Variants in TTC13 observed in about 807,000 individuals in gnomAD.
TTC13 encodes tetratricopeptide repeat domain 13.
In TTC13, 62 loss-of-function variants were observed where a neutral mutation model predicts 120.0. That is an observed-to-expected ratio of 0.52 (90% CI 0.42 to 0.64). TTC13 has a LOEUF of 0.64. TTC13 is among the 30% of genes least tolerant of loss of function. TTC13 has a pLI of 0.00. For synonymous variants in TTC13, 384 were observed against 393.5 expected (o/e 0.98, Z 0.28); for missense variants, 824 against 1,050.2 (o/e 0.78, Z 2.98).
At position 230,912,608 on chromosome 1, in the gene TTC13, C is replaced by A. The variant is rs1671612733; in HGVS notation, c.2229+15G>T. 1.9e-6 allele frequency: 3 copies of A among 1,606,466 alleles called. No individual in the cohort carries two copies. In the Admixed American group the frequency reaches 5.1e-5, roughly 28 times the overall value. On this transcript the variant is annotated intron_variant, in intron 19 of 22. Coordinates refer to ENST00000366661, the MANE Select transcript of TTC13 (RefSeq NM_024525.5). ...CATAGGAAGAGCAGAAAAATGGAAA[C>A]AAAGAGAAACCTACCCCAAATTCTG...
At chr1:230,968,490 T>A (rs947073336) in intron 1 of TTC13, among the ~76,000 whole-genome samples, 1 of 152,154 alleles carries the variant, frequency 6.6e-6, no homozygotes, top group Non-Finnish European at 1.5e-5. Flanking sequence ...CTTCTTAGCA[T>A]TAAACTAAGA....
chr1:230,924,719 C>T, intron 14 of TTC13, 122 bp downstream of exon 14: 8 of 1,096,470 alleles, frequency 7.3e-6, no homozygotes, highest in South Asian at 7.3e-5. Context: ...GAGAGGAAAA[C>T]CTAACTTGGA....
chr1:230,934,510 G>A (rs1402147672), intron 8 of TTC13, among the ~76,000 whole-genome samples: 1 of 152,194 alleles, frequency 6.6e-6, no homozygotes, highest in Non-Finnish European at 1.5e-5. Flanking sequence ...ACTATCCTTT[G>A]GGAAGCTATC....
At chr1:230,965,489 T>C (rs1677041835) in intron 1 of TTC13, among the ~76,000 whole-genome samples, 1 of 152,120 alleles carries the variant, frequency 6.6e-6, no homozygotes, top group Admixed American at 6.5e-5. Flanking sequence ...GGTGAGGATA[T>C]GGAGAAAGGG....
intron 1 of TTC13, among the ~76,000 whole-genome samples, chr1:230,967,049 A>C (rs969942275): frequency 1.3e-5 from 2 of 152,216 alleles, no homozygotes; most frequent in African/African-American, 4.8e-5. Flanking sequence ...TGAATATTTT[A>C]TCTGCCCACA....
At chr1:230,958,335 C>G (rs1187414444) in intron 2 of TTC13, 36 bp from the exon 3 acceptor site, 1 of 1,561,000 alleles carries the variant, frequency 6.4e-7, no homozygotes. Flanking sequence ...TACATTTTAG[C>G]TATCACAAAT....
rs1355280897 is a variant in TTC13 at position 230,925,415 on chromosome 1, A to C, written c.1588+102T>G. On this transcript the variant is annotated intron_variant, in intron 13 of 22. Transcript: ENST00000366661. ...TATTCTGATCACATGGAGAATTTGA[A>C]TAAGCACAATAAATACTAATTTATT... is the stretch of plus-strand genomic sequence containing the variant. 5 of 1,302,992 alleles carry C rather than the reference A, an allele frequency of 3.8e-6. No individual in the cohort carries two copies. The African/African-American group carries it at 5.9e-5, about 15-fold the overall frequency. 80.7% of individuals were successfully genotyped at this position (1,302,992 alleles called of 1,614,324 possible).
intron 22 of TTC13, among the ~76,000 whole-genome samples, chr1:230,907,706 TTC>T (rs1671064715): frequency 1.3e-5 from 2 of 152,196 alleles, no homozygotes; most frequent in African/African-American, 2.4e-5. Context: ...GCACAAATAT[TTC>T]TGTTTTAAAC....
chr1:230,909,983 C>G (rs1326168296), intron 20 of TTC13, among the ~76,000 whole-genome samples: 1 of 152,140 alleles, frequency 6.6e-6, no homozygotes, highest in East Asian at 1.9e-4. Flanking sequence ...AAGGGGCTGG[C>G]AAAAGGCCAT....
At chr1:230,962,406 T>TCA (rs1676729130) in intron 1 of TTC13, among the ~76,000 whole-genome samples, 3 of 151,846 alleles carry the variant, frequency 2.0e-5, no homozygotes, top group South Asian at 2.1e-4. Flanking sequence ...AGGTACCTCT[T>TCA]CACACACACA....
chr1:230,968,775 G>A (rs1677419072), intron 1 of TTC13, among the ~76,000 whole-genome samples: 1 of 152,214 alleles, frequency 6.6e-6, no homozygotes, highest in South Asian at 2.1e-4. Flanking sequence ...GCCATCAACG[G>A]AAACAAGGAG....
intron 1 of TTC13, among the ~76,000 whole-genome samples, chr1:230,962,899 C>A (rs1164882064): frequency 1.3e-5 from 2 of 152,116 alleles, no homozygotes; most frequent in Non-Finnish European, 2.9e-5. Flanking sequence ...TCCATAGAGA[C>A]AAAATGCAGA....
At chr1:230,916,641 T>C (rs1036136710) in intron 17 of TTC13, among the ~76,000 whole-genome samples, 1 of 152,244 alleles carries the variant, frequency 6.6e-6, no homozygotes, top group Admixed American at 6.5e-5. Flanking sequence ...CAACCTTGAA[T>C]CATGGCAGAA....
At chr1:230,975,967 G>A (rs769893812) in intron 1 of TTC13, among the ~76,000 whole-genome samples, 4 of 152,202 alleles carry the variant, frequency 2.6e-5, no homozygotes, top group Admixed American at 6.5e-5. Context: ...AATCACTGGC[G>A]GTTCTGTCTC....
intron 15 of TTC13, among the ~76,000 whole-genome samples, chr1:230,923,334 C>A (rs891754957): frequency 6.6e-6 from 1 of 152,110 alleles, no homozygotes; most frequent in Admixed American, 6.5e-5. Context: ...CAGAAGTTTT[C>A]CAGCCAACCT....
chr1:230,960,917 TAA>T (rs1676573560), intron 2 of TTC13, among the ~76,000 whole-genome samples: 1 of 152,178 alleles, frequency 6.6e-6, no homozygotes. Context: ...GTTGGAAAAA[TAA>T]GAGTCTACTA....
rs9431614 is a variant in TTC13 at position 230,944,623 on chromosome 1, A to G, written c.580-725T>C. On this transcript the variant is annotated intron_variant, in intron 5 of 22. Transcript: ENST00000366661. This position sits in a 1 kb window ranked among gnomAD's most constrained non-coding sequence, Gnocchi z 4.0. ...AAAGTTTCTCCAATAGGCCAGCACA[A>G]GGTTAGTATAATATTAATTGTAATA... is the stretch of plus-strand genomic sequence containing the variant. 0.13 allele frequency among the ~76,000 whole-genome samples: 20,408 copies of G among 152,104 alleles called. 1,379 individuals carry two copies. Among genetic ancestry groups the G allele is most frequent in the Middle Eastern group, 0.16 (46 of 294 alleles).
intron 22 of TTC13, among the ~76,000 whole-genome samples, chr1:230,907,543 A>T (rs1334571426): frequency 6.6e-6 from 1 of 152,266 alleles, no homozygotes; most frequent in Non-Finnish European, 1.5e-5. Context: ...ACAATTATGT[A>T]AGAATAGAAG....
intron 12 of TTC13, among the ~76,000 whole-genome samples, chr1:230,927,760 T>C (rs763945118): frequency 1.7e-4 from 26 of 152,350 alleles, no homozygotes; most frequent in Non-Finnish European, 3.1e-4. Context: ...GAAATCCTTG[T>C]CTACCCCAAA....
Sources: gnomAD v4.1 joint callset for allele counts (sites outside exome capture counted in the v4.1 genomes callset) on GRCh38, gnomAD v4.1.1 for gene constraint, Gnocchi (gnomAD v3.1) non-coding constraint, MANE v1.5 for transcripts, NCBI Gene and HGNC (gene_info 2026-07-23, HGNC 2026-07-21) for gene names.